ERBB4: variants seen among roughly 807,000 people sequenced by gnomAD.
The protein encoded by ERBB4 is erb-b2 receptor tyrosine kinase 4, also known as receptor tyrosine-protein kinase erbB-4.
Under a neutral mutation model 158.0 loss-of-function variants are expected in ERBB4, and 42 were observed. The observed-to-expected ratio is 0.27, with a 90% CI of 0.21 to 0.34. The LOEUF (loss-of-function observed/expected upper bound fraction) is 0.34. Among genes scored for constraint, ERBB4 ranks in the 10% least tolerant of loss-of-function variants. ERBB4 has a pLI of 1.00. For missense variants in ERBB4, 1,333 were observed against 1,624.1 expected (o/e 0.82, Z 3.08); for synonymous variants, 583 against 558.7 (o/e 1.04, Z -0.61).
intron 1 of ERBB4, among the ~76,000 whole-genome samples, chr2:212,459,004 T>C (rs79454017): frequency 0.023 from 3,544 of 152,240 alleles, 55 homozygotes; most frequent in African/African-American, 0.045. Flanking sequence ...TTAAAAGCTC[T>C]ATATTTTCAT....
intron 20 of ERBB4, among the ~76,000 whole-genome samples, chr2:211,453,251 T>C (rs1231633737): frequency 2.0e-5 from 3 of 152,238 alleles, no homozygotes; most frequent in Non-Finnish European, 4.4e-5. Flanking sequence ...TGCAATTAAA[T>C]TCATGTCTTT....
intron 1 of ERBB4, among the ~76,000 whole-genome samples, chr2:212,157,807 T>C (rs541976733): frequency 3.9e-5 from 6 of 152,192 alleles, no homozygotes; most frequent in African/African-American, 1.2e-4. Flanking sequence ...TACATGACTA[T>C]CTTCTACTTA....
chr2:212,138,770 C>T (rs568730976), intron 1 of ERBB4, among the ~76,000 whole-genome samples: 1 of 152,252 alleles, frequency 6.6e-6, no homozygotes, highest in African/African-American at 2.4e-5. Flanking sequence ...ATTGCTCTGA[C>T]ACAGACCGGA....
At position 211,725,079 on chromosome 2, in the gene ERBB4, G is replaced by A. The variant is rs1485293447; in HGVS notation, c.738C>T (p.Cys246=). The change falls in exon 6 of 28, where the codon TGC becomes TGT. Residue 246 remains cysteine, a synonymous_variant. Transcript: ENST00000342788. ...GGCSGPKDTD[C]FACMNFNDSG... is the part of the protein sequence containing the mutation. ...AAGAGAGAAATCACAGACATACAAA[G>A]CAGTCTGTGTCCTTAGGTCCTGAGC... is the stretch of plus-strand genomic sequence containing the variant. 1.3e-6 allele frequency: 2 copies of A among 1,587,446 alleles called. No homozygotes were observed. Among genetic ancestry groups the A allele is most frequent in the Admixed American group, 1.7e-5 (1 of 59,996 alleles).
intron 15 of ERBB4, among the ~76,000 whole-genome samples, chr2:211,663,504 C>T (rs1409570709): frequency 6.6e-6 from 1 of 152,094 alleles, no homozygotes; most frequent in Non-Finnish European, 1.5e-5. Context: ...CACCTTCATC[C>T]TTCCTTTTGA....
At chr2:211,932,369 G>A (rs1045087674) in intron 3 of ERBB4, among the ~76,000 whole-genome samples, 2 of 151,690 alleles carry the variant, frequency 1.3e-5, no homozygotes, top group Admixed American at 6.6e-5. Context: ...TTTTTTCATG[G>A]GTAAAGTTCT....
Position 211,722,408 on chromosome 2 carries a change from C to T in ERBB4, c.868G>A (p.Val290Ile), listed in dbSNP as rs1170487579. Residue 290 changes from valine to isoleucine, a missense_variant, in exon 7 of 28, where the codon GTC (valine) becomes ATC (isoleucine). This residue lies in a region of ERBB4 where 438 missense variants were observed against 586.9 expected (regional missense o/e 0.75). Transcript: ENST00000342788. ...NAKYTYGAFC[V>I]KKCPHNFVVD... ...TGTTACTTACGTGGACATTTCTTGA[C>T]ACAGAATGCTCCATATGTGTACTTT... 1 of 1,613,534 alleles carries T rather than the reference C, an allele frequency of 6.2e-7. No homozygotes were observed. Among genetic ancestry groups the T allele is most frequent in the Non-Finnish European group, 8.5e-7 (1 of 1,179,500 alleles).
chr2:211,788,780 GT>G (rs1223164450), intron 3 of ERBB4, among the ~76,000 whole-genome samples: 4 of 152,090 alleles, frequency 2.6e-5, no homozygotes, highest in African/African-American at 9.7e-5. Flanking sequence ...CAGTAGGTAA[GT>G]AATTAGCACA....
chr2:211,817,486 A>G (rs2076904215), intron 3 of ERBB4, among the ~76,000 whole-genome samples: 2 of 152,178 alleles, frequency 1.3e-5, no homozygotes, highest in African/African-American at 4.8e-5. Context: ...CTGTAAAAAT[A>G]GATGGTTTTA....
At chr2:211,791,423 A>G (rs1051544056) in intron 3 of ERBB4, among the ~76,000 whole-genome samples, 10 of 151,926 alleles carry the variant, frequency 6.6e-5, no homozygotes, top group African/African-American at 2.4e-4. Context: ...AAATAAAGTA[A>G]CAAATAAATG....
chr2:211,566,552 A>G (rs1310555871), intron 19 of ERBB4, among the ~76,000 whole-genome samples: 2 of 152,170 alleles, frequency 1.3e-5, no homozygotes, highest in Non-Finnish European at 2.9e-5. Flanking sequence ...AAGCAAAGCA[A>G]TGTAGTTATA....
intron 20 of ERBB4, among the ~76,000 whole-genome samples, chr2:211,526,350 CAT>C (rs1418080732): frequency 6.6e-6 from 1 of 152,114 alleles, no homozygotes; most frequent in Non-Finnish European, 1.5e-5. Flanking sequence ...ATCTAATCCA[CAT>C]CTTATCCAGA....
At chr2:211,828,570 A>ATT (rs60698486) in intron 3 of ERBB4, among the ~76,000 whole-genome samples, 45 of 151,854 alleles carry the variant, frequency 3.0e-4, no homozygotes, top group African/African-American at 9.9e-4. Flanking sequence ...TTATTTTTAC[A>ATT]TTTTTTTGTC....
intron 19 of ERBB4, among the ~76,000 whole-genome samples, chr2:211,600,716 C>T (rs559704444): frequency 6.6e-6 from 1 of 152,244 alleles, no homozygotes; most frequent in East Asian, 1.9e-4. Context: ...ACACCACACA[C>T]AGTGGAAAAT....
intron 1 of ERBB4, among the ~76,000 whole-genome samples, chr2:212,426,914 A>C (rs2091926212): frequency 6.6e-6 from 1 of 152,148 alleles, no homozygotes; most frequent in South Asian, 2.1e-4. Flanking sequence ...TTGTGTTTGC[A>C]AACGGGATAA....
chr2:212,135,567 T>C (rs2080247054), intron 1 of ERBB4, among the ~76,000 whole-genome samples: 1 of 152,178 alleles, frequency 6.6e-6, no homozygotes, highest in South Asian at 2.1e-4. Context: ...ATGTTGAAAA[T>C]AGGAAAAACA....
chr2:212,346,309 C>A (rs1477214486), intron 1 of ERBB4, among the ~76,000 whole-genome samples: 2 of 13,666 alleles, frequency 1.5e-4, no homozygotes, highest in Non-Finnish European at 3.6e-4. Flanking sequence ...TCAATGATGG[C>A]CCCCCCCAAG....
At chr2:212,172,465 G>A (rs567363856) in intron 1 of ERBB4, among the ~76,000 whole-genome samples, 48 of 152,224 alleles carry the variant, frequency 3.2e-4, no homozygotes, top group African/African-American at 1.1e-3. Context: ...ACATGCATGC[G>A]TATGTTCATT....
At chr2:212,204,700 C>CAA (rs112354649) in intron 1 of ERBB4, among the ~76,000 whole-genome samples, 26 of 94,104 alleles carry the variant, frequency 2.8e-4, no homozygotes, top group African/African-American at 8.6e-4. Flanking sequence ...CTGTCCCCCA[C>CAA]AAAAAAAACA....
Sources: allele counts gnomAD v4.1 joint callset (sites outside exome capture counted in the v4.1 genomes callset), GRCh38; gene constraint gnomAD v4.1.1; regional missense constraint gnomAD v4.1.1; transcripts MANE v1.5; gene names NCBI Gene and HGNC (gene_info 2026-07-23, HGNC 2026-07-21).